INPP5B: variants seen among roughly 807,000 people sequenced by gnomAD.
INPP5B encodes the protein inositol polyphosphate-5-phosphatase B, also known as type II inositol 1,4,5-trisphosphate 5-phosphatase.
In INPP5B, 90 loss-of-function variants were observed where a neutral mutation model predicts 118.5. The observed-to-expected ratio is 0.76, with a 90% CI of 0.64 to 0.90. The LOEUF (loss-of-function observed/expected upper bound fraction) is 0.90. INPP5B is among the 40% of genes least tolerant of loss of function. The pLI is 0.00. For synonymous variants in INPP5B, 385 were observed against 418.9 expected (o/e 0.92, Z 0.99); for missense variants, 984 against 1,125.6 (o/e 0.87, Z 1.80).
intron 6 of INPP5B, among the ~76,000 whole-genome samples, chr1:37,937,529 G>T (rs1250008464): frequency 6.6e-6 from 1 of 151,796 alleles, no homozygotes; most frequent in Non-Finnish European, 1.5e-5. Flanking sequence ...CACTTTGGGA[G>T]GCCAAAGTGG....
intron 19 of INPP5B, among the ~76,000 whole-genome samples, chr1:37,871,913 T>A (rs1642465907): frequency 7.1e-6 from 1 of 141,802 alleles, no homozygotes. Flanking sequence ...AAAAAAAAAA[T>A]TAGCTGGGTG....
chr1:37,906,413 A>C (rs1200957872), intron 7 of INPP5B, among the ~76,000 whole-genome samples: 1 of 152,254 alleles, frequency 6.6e-6, no homozygotes, highest in Non-Finnish European at 1.5e-5. Context: ...CATCAAAGCC[A>C]ATTTTAAAAG....
At chr1:37,870,068 T>C (rs1211642883) in intron 19 of INPP5B, 2 of 151,768 alleles carry the variant, frequency 1.3e-5, no homozygotes, top group Non-Finnish European at 2.9e-5. Flanking sequence ...GACCTACCGA[T>C]GATGATTTAA....
intron 21 of INPP5B, 83 bp from the exon 22 acceptor site, chr1:37,865,971 G>A: frequency 6.3e-7 from 1 of 1,575,740 alleles, no homozygotes; most frequent in African/African-American, 1.3e-5. Flanking sequence ...TGCCAGAAGT[G>A]CTGCCTGCCC....
chr1:37,904,795 C>T (rs757048897), intron 7 of INPP5B, among the ~76,000 whole-genome samples: 1 of 150,684 alleles, frequency 6.6e-6, no homozygotes, highest in Non-Finnish European at 1.5e-5. Flanking sequence ...GAGAATAGCT[C>T]GAACCCAGGA....
At position 37,943,973 on chromosome 1, in the gene INPP5B, C is replaced by T. The variant is rs1646029982; in HGVS notation, c.153-80G>A. ...TATCTTGGAGGTCTCGGGGTGCTCA[C>T]ACTCGCTCGTTGGTCCCTAACACTG... On this transcript the variant is annotated intron_variant, in intron 3 of 23. Coordinates refer to ENST00000373024, the MANE Select transcript of INPP5B (RefSeq NM_005540.3). 1.2e-5 allele frequency: 12 copies of T among 1,003,660 alleles called. 1 individual carries two copies. In the South Asian group the frequency reaches 1.5e-4, roughly 13 times the overall value. The allele number at this position is 1,003,660 out of a possible 1,614,324, so 62.2% of individuals were successfully genotyped here.
chr1:37,926,776 T>C (rs1645246604), intron 7 of INPP5B, among the ~76,000 whole-genome samples: 1 of 152,038 alleles, frequency 6.6e-6, no homozygotes, highest in Non-Finnish European at 1.5e-5. Flanking sequence ...CAGGTGAACA[T>C]TTTACAGACT....
intron 7 of INPP5B, among the ~76,000 whole-genome samples, chr1:37,928,195 CAG>C (rs1267495491): frequency 6.6e-6 from 1 of 151,900 alleles, no homozygotes; most frequent in East Asian, 1.9e-4. Context: ...TCTGAGGGGA[CAG>C]AGTCTTGCTC....
chr1:37,878,240 A>T lies in INPP5B; in HGVS notation c.1625T>A (p.Met542Lys), dbSNP rs771558015. Reference protein sequence around the residue: ...NITQLSYQSHMALKTSDHKPV... With the variant: ...NITQLSYQSHKALKTSDHKPV... Reference sequence around the variant, plus strand: ...CTTGTGGTCACTGGTCTTCAGGGCCATGTGGCTCTGGTAACTCAGCTGAGT... The same window carrying T: ...CTTGTGGTCACTGGTCTTCAGGGCCTTGTGGCTCTGGTAACTCAGCTGAGT... Residue 542 changes from methionine to lysine, a missense_variant, in exon 16 of 24, where the codon ATG (methionine) becomes AAG (lysine). Coordinates refer to ENST00000373024, the MANE Select transcript of INPP5B (RefSeq NM_005540.3). The T allele has an allele frequency of 1.9e-6, 3 of 1,614,164 alleles. No homozygotes were observed. Among genetic ancestry groups the T allele is most frequent in the Non-Finnish European group, 2.5e-6 (3 of 1,180,026 alleles).
At chr1:37,862,919 T>G (rs954003444) in intron 23 of INPP5B, among the ~76,000 whole-genome samples, 1 of 151,988 alleles carries the variant, frequency 6.6e-6, no homozygotes, top group African/African-American at 2.4e-5. Flanking sequence ...AGGGGAATGG[T>G]GCTGTGTCAG....
At chr1:37,896,508 C>T (rs1206730524) in intron 7 of INPP5B, among the ~76,000 whole-genome samples, 49 of 136,612 alleles carry the variant, frequency 3.6e-4, no homozygotes, top group Middle Eastern at 4.4e-3. Flanking sequence ...CCGCCCCGTC[C>T]GGCAGGTGAG....
chr1:37,889,320 A>C (rs1234509627), intron 9 of INPP5B, among the ~76,000 whole-genome samples: 1 of 152,170 alleles, frequency 6.6e-6, no homozygotes, highest in East Asian at 1.9e-4. Flanking sequence ...TATTTCTGTA[A>C]CTATCTGCAA....
Position 37,872,971 on chromosome 1 carries a change from C to G in INPP5B, c.2146G>C (p.Glu716Gln). The change falls in exon 19 of 24, where the codon GAG becomes CAG. Residue 716 changes from glutamate to glutamine, a missense_variant. Transcript: ENST00000373024. ...TCAAGTGGTAGGTCCAAGATTGGCTCTCTCATGTAACACAGTGTATGAATG... is the reference window on the plus strand; with the variant it reads ...TCAAGTGGTAGGTCCAAGATTGGCTGTCTCATGTAACACAGTGTATGAATG... ...SPIHTLCYMREPILDLPLETI... is the reference protein window; with the variant it reads ...SPIHTLCYMRQPILDLPLETI... The G allele has an allele frequency of 6.2e-7, 1 of 1,614,128 alleles. No individual in the cohort carries two copies. The highest frequency in any genetic ancestry group is 8.5e-7 in the Non-Finnish European group (1 of 1,180,024).
At chr1:37,866,035 A>G (rs1005342366) in intron 21 of INPP5B, 147 bp from the exon 22 acceptor site, 2 of 1,330,200 alleles carry the variant, frequency 1.5e-6, no homozygotes, top group African/African-American at 2.9e-5. Context: ...CGAAGGGACC[A>G]CACTGTTTGT....
intron 23 of INPP5B, among the ~76,000 whole-genome samples, chr1:37,863,331 A>G (rs553834922): frequency 2.6e-5 from 4 of 152,190 alleles, no homozygotes; most frequent in African/African-American, 9.6e-5. Context: ...CCTGGCCAAC[A>G]TGGTAAAACC....
chr1:37,894,430 T>A (rs373792437), intron 7 of INPP5B, among the ~76,000 whole-genome samples: 1 of 152,202 alleles, frequency 6.6e-6, no homozygotes. Context: ...CTAGACTTTG[T>A]CTGATTTATG....
chr1:37,872,970 T>G lies in INPP5B; in HGVS notation c.2147A>C (p.Glu716Ala). 3 of 1,614,130 alleles carry G rather than the reference T, an allele frequency of 1.9e-6. No homozygotes were observed. The highest frequency in any genetic ancestry group is 2.5e-6 in the Non-Finnish European group (3 of 1,180,006). The change falls in exon 19 of 24, where the codon GAG becomes GCG. Residue 716 changes from glutamate (E) to alanine (A), a missense_variant. By Grantham distance (107) the Glu-to-Ala change is moderately radical (BLOSUM62 -1). Transcript: ENST00000373024. ...SPIHTLCYMR[E>A]PILDLPLETI... ...TTCAAGTGGTAGGTCCAAGATTGGC[T>G]CTCTCATGTAACACAGTGTATGAAT...
In INPP5B at chr1:37,864,194, G is replaced by C. The variant is rs1223656660; in HGVS notation, c.2626+118C>G. On this transcript the variant is annotated intron_variant, in intron 23 of 23. Transcript: ENST00000373024. ...AAACTTTCTGCTTTAAAAAATCTTT[G>C]CCCAGAGCTTGATATTTTAGTTCTA... 9 of 621,140 alleles carry C rather than the reference G, an allele frequency of 1.4e-5. No homozygotes were observed. The Admixed American group carries it at 2.3e-4, about 16-fold the overall frequency. 38.5% of individuals were successfully genotyped at this position (621,140 alleles called of 1,614,324 possible).
intron 7 of INPP5B, among the ~76,000 whole-genome samples, chr1:37,928,140 G>T (rs904329204): frequency 5.3e-5 from 8 of 152,100 alleles, no homozygotes; most frequent in South Asian, 4.2e-4. Flanking sequence ...CTCCTGAGGG[G>T]TGCCTTTGTT....
Sources: allele counts gnomAD v4.1 joint callset (sites outside exome capture counted in the v4.1 genomes callset), GRCh38; gene constraint gnomAD v4.1.1; transcripts MANE v1.5; gene names NCBI Gene and HGNC (gene_info 2026-07-23, HGNC 2026-07-21).